APCDD1L: variants seen among roughly 807,000 people sequenced by gnomAD.
APCDD1L encodes the protein APC down-regulated 1 like, also known as protein APCDD1-like.
A neutral mutation model predicts 24.2 loss-of-function variants in APCDD1L; 21 were observed. The observed-to-expected ratio is 0.87, with a 90% CI of 0.61 to 1.25. The LOEUF is 1.25. Among genes scored for constraint, APCDD1L ranks in the 50% most tolerant of loss-of-function variants. APCDD1L has a pLI of 0.00. For synonymous variants in APCDD1L, 321 were observed against 323.6 expected, an observed-to-expected ratio of 0.99 and a Z score of 0.09; for missense variants, 704 against 711.7, an observed-to-expected ratio of 0.99 and a Z score of 0.12.
At position 58,489,581 on chromosome 20, in the gene APCDD1L, G is replaced by A. The variant is rs6026307; in HGVS notation, c.50-18834C>T. On this transcript the variant is annotated intron_variant, in intron 1 of 3. Coordinates refer to ENST00000371149, the MANE Select transcript of APCDD1L (RefSeq NM_153360.3). The stretch of plus-strand genomic sequence containing the variant: ...CACCTGTAATCCCAGCTACTTTGGA[G>A]GCTGAGGCAGGACAATCGCTTGAAC... 2.7e-4 allele frequency among the ~76,000 whole-genome samples: 41 copies of A among 151,858 alleles called. 1 individual carries two copies. The highest frequency in any genetic ancestry group is 9.4e-4 in the African/African-American group (39 of 41,410).
chr20:58,482,230 T>C (rs907455085), intron 1 of APCDD1L, among the ~76,000 whole-genome samples: 1 of 152,210 alleles, frequency 6.6e-6, no homozygotes, highest in African/African-American at 2.4e-5. Context: ...AAAACCTACA[T>C]CATGTTTCGG....
chr20:58,484,863 C>A (rs1218103420), intron 1 of APCDD1L, among the ~76,000 whole-genome samples: 1 of 152,062 alleles, frequency 6.6e-6, no homozygotes, highest in East Asian at 1.9e-4. Flanking sequence ...TACCCCGAAG[C>A]CTTGGTTGCT....
intron 3 of APCDD1L, among the ~76,000 whole-genome samples, chr20:58,463,291 G>A (rs1203291516): frequency 4.6e-5 from 7 of 152,122 alleles, no homozygotes; most frequent in Non-Finnish European, 5.9e-5. Context: ...GGCCACACTC[G>A]GGTCTTCAGG....
At chr20:58,468,036 C>T (rs1203375895) in intron 2 of APCDD1L, among the ~76,000 whole-genome samples, 2 of 152,146 alleles carry the variant, frequency 1.3e-5, no homozygotes, top group African/African-American at 4.8e-5. Context: ...CTCCCTCCCG[C>T]GTCCTTGCTG....
At position 58,459,436 on chromosome 20, in the gene APCDD1L, G is replaced by T. The variant is rs888286375; in HGVS notation, c.*1354C>A. The stretch of plus-strand genomic sequence containing the variant: ...CTGACTGAACCCCACACAGTCTCAG[G>T]GAGGAAAAGGGCTTCCCTCTGAAAC... On this transcript the variant is annotated 3_prime_UTR_variant, in exon 4 of 4. Coordinates refer to ENST00000371149, the MANE Select transcript of APCDD1L (RefSeq NM_153360.3). The T allele has an allele frequency of 6.6e-6, 1 of 152,134 alleles. No homozygotes were observed. Among genetic ancestry groups the T allele is most frequent in the African/African-American group, 2.4e-5 (1 of 41,402 alleles). 9.4% of individuals were successfully genotyped at this position (152,134 alleles called of 1,614,324 possible).
At chr20:58,506,260 C>A (rs1406787611) in intron 1 of APCDD1L, among the ~76,000 whole-genome samples, 2 of 152,148 alleles carry the variant, frequency 1.3e-5, no homozygotes, top group East Asian at 1.9e-4. Flanking sequence ...CTTCTGTATA[C>A]CCCCATCTTC....
rs973216866 is a variant in APCDD1L at position 58,468,000 on chromosome 20, G to A, written c.189-342C>T. Among the ~76,000 whole-genome samples, 1 of 152,132 alleles carries A rather than the reference G, an allele frequency of 6.6e-6. No individual in the cohort carries two copies. The highest frequency in any genetic ancestry group is 1.5e-5 in the Non-Finnish European group (1 of 68,020). ...CCTGCTTCCTCCCCCGCTGGACTCT[G>A]GGCACCTGGCCCAGAGCCCGCCCCA... On this transcript the variant is annotated intron_variant, in intron 2 of 3. Transcript: ENST00000371149. The surrounding 1 kb of genome is among the most constrained non-coding windows in gnomAD (Gnocchi z 5.9).
In APCDD1L at chr20:58,460,954, A is replaced by G. The variant is rs1989584449; in HGVS notation, c.1342T>C (p.Tyr448His). ...TGACAGAGCACCAGGGGTGCTTGGT[A>G]GGAGGTGGGACGTTTCTCTGGGGTA... Reference protein sequence around the residue: ...PDTPEKRPTSYQAPLVLCHGE... With the variant: ...PDTPEKRPTSHQAPLVLCHGE... The change falls in exon 4 of 4, where the codon TAC becomes CAC. Residue 448 changes from tyrosine to histidine, a missense_variant. Tyr to His is a moderately conservative substitution (Grantham distance 83, BLOSUM62 2). Coordinates refer to ENST00000371149, the MANE Select transcript of APCDD1L (RefSeq NM_153360.3). This position sits in a 1 kb window ranked among gnomAD's most constrained non-coding sequence, Gnocchi z 4.2. 1 of 1,614,064 alleles carries G rather than the reference A, an allele frequency of 6.2e-7. No individual in the cohort carries two copies. Among genetic ancestry groups the G allele is most frequent in the Non-Finnish European group, 8.5e-7 (1 of 1,179,954 alleles).
In APCDD1L at chr20:58,467,755, T is replaced by C; in HGVS notation, c.189-97A>G. 1 of 1,209,098 alleles carries C rather than the reference T, an allele frequency of 8.3e-7. No individual in the cohort carries two copies. The highest frequency in any genetic ancestry group is 1.1e-6 in the Non-Finnish European group (1 of 921,694). The allele number at this position is 1,209,098 out of a possible 1,614,324, so 74.9% of individuals were successfully genotyped here. On this transcript the variant is annotated intron_variant, in intron 2 of 3. Transcript: ENST00000371149. This position sits in a 1 kb window ranked among gnomAD's most constrained non-coding sequence, Gnocchi z 5.9. The stretch of plus-strand genomic sequence containing the variant: ...TGGGCTCCTTTCTCCCCCCCAGCCC[T>C]CCTCTTAGTCCTCAGCTCAGGCCTG...
intron 1 of APCDD1L, among the ~76,000 whole-genome samples, chr20:58,506,297 G>A (rs543118171): frequency 3.9e-5 from 6 of 152,138 alleles, no homozygotes; most frequent in Admixed American, 6.5e-5. Context: ...CACCATTTCT[G>A]TCTCTTTCTC....
At chr20:58,509,624 G>A (rs778715343) in intron 1 of APCDD1L, among the ~76,000 whole-genome samples, 11 of 152,148 alleles carry the variant, frequency 7.2e-5, no homozygotes, top group Admixed American at 1.3e-4. Context: ...GCCCATCACT[G>A]TCACTGTCAT....
At chr20:58,471,628 TGA>T (rs1160058024) in intron 1 of APCDD1L, among the ~76,000 whole-genome samples, 2 of 152,214 alleles carry the variant, frequency 1.3e-5, no homozygotes, top group African/African-American at 4.8e-5. Context: ...CTCGGGCTGC[TGA>T]GAGGCGAGAG....
Position 58,460,961 on chromosome 20 carries a change from G to A in APCDD1L, c.1335C>T (p.Pro445=), listed in dbSNP as rs756574970. ...GSSPDTPEKR[P]TSYQAPLVLC... ...GCACCAGGGGTGCTTGGTAGGAGGT[G>A]GGACGTTTCTCTGGGGTATCGGGAC... is the stretch of plus-strand genomic sequence containing the variant. The change falls in exon 4 of 4, where the codon CCC becomes CCT. Residue 445 remains proline (P), a synonymous_variant. Transcript: ENST00000371149. The surrounding 1 kb of genome is among the most constrained non-coding windows in gnomAD (Gnocchi z 4.2). 1 of 1,614,016 alleles carries A rather than the reference G, an allele frequency of 6.2e-7. No individual in the cohort carries two copies. The highest frequency in any genetic ancestry group is 8.5e-7 in the Non-Finnish European group (1 of 1,180,006).
At chr20:58,465,538 G>A (rs1011512281) in intron 3 of APCDD1L, among the ~76,000 whole-genome samples, 3 of 152,180 alleles carry the variant, frequency 2.0e-5, no homozygotes, top group Non-Finnish European at 2.9e-5. Context: ...ACTTCATGGG[G>A]ATGCTGAACA....
intron 2 of APCDD1L, 111 bp downstream of exon 2, chr20:58,470,498 C>A (rs1989789340): frequency 1.4e-6 from 2 of 1,390,720 alleles, no homozygotes; most frequent in Non-Finnish European, 1.9e-6. Flanking sequence ...AGGTAGAAGG[C>A]CTCTTGGATA....
Position 58,460,526 on chromosome 20 carries a change from T to G in APCDD1L, c.*264A>C, listed in dbSNP as rs551509884. The G allele has an allele frequency of 1.1e-5, 4 of 360,700 alleles. No homozygotes were observed. In the South Asian group the frequency reaches 5.2e-4, roughly 47 times the overall value. The allele number at this position is 360,700 out of a possible 1,614,324, so 22.3% of individuals were successfully genotyped here. On this transcript the variant is annotated 3_prime_UTR_variant, in exon 4 of 4. Transcript: ENST00000371149. This position sits in a 1 kb window ranked among gnomAD's most constrained non-coding sequence, Gnocchi z 4.2. ...AAAGTAGAAAAATTGGGAGTGATCTTTAGAAACTCACGTAGCGATGAACAT... is the reference window on the plus strand; with the variant it reads ...AAAGTAGAAAAATTGGGAGTGATCTGTAGAAACTCACGTAGCGATGAACAT...
intron 1 of APCDD1L, among the ~76,000 whole-genome samples, chr20:58,499,274 G>A (rs1263196336): frequency 1.3e-5 from 2 of 152,152 alleles, no homozygotes; most frequent in Non-Finnish European, 2.9e-5. Context: ...TAGCTGCAAG[G>A]GAGGTGGGGA....
rs760798987 is a variant in APCDD1L at position 58,467,646 on chromosome 20, G to A, written c.201C>T (p.Arg67=). The A allele has an allele frequency of 2.0e-6, 3 of 1,500,914 alleles. No individual in the cohort carries two copies. The highest frequency in any genetic ancestry group is 1.4e-5 in the African/African-American group (1 of 69,792). The allele number at this position is 1,500,914 out of a possible 1,614,324, so 93.0% of individuals were successfully genotyped here. A position where few individuals can be genotyped will look rare whatever the true frequency, so the allele number is the denominator to read the frequency against. ...GPWISTGCEV[R]PGPEFLTRAY... ...CGCGGGTCAGGAACTCCGGTCCTGG[G>A]CGCACCTCGCAGCTGCAGGGGTGGA... is the stretch of plus-strand genomic sequence containing the variant. Residue 67 remains arginine (R), a synonymous_variant, in exon 3 of 4, where the codon CGC becomes CGT. Coordinates refer to ENST00000371149, the MANE Select transcript of APCDD1L (RefSeq NM_153360.3). This position sits in a 1 kb window ranked among gnomAD's most constrained non-coding sequence, Gnocchi z 5.9.
At chr20:58,498,732 G>A (rs530863356) in intron 1 of APCDD1L, among the ~76,000 whole-genome samples, 4 of 152,342 alleles carry the variant, frequency 2.6e-5, no homozygotes, top group Non-Finnish European at 4.4e-5. Context: ...CCCTGGTTGC[G>A]GGTGCTGAGC....
Sources: gnomAD v4.1 joint callset for allele counts (sites outside exome capture counted in the v4.1 genomes callset) on GRCh38, gnomAD v4.1.1 for gene constraint, Gnocchi (gnomAD v3.1) non-coding constraint, MANE v1.5 for transcripts, NCBI Gene and HGNC (gene_info 2026-07-23, HGNC 2026-07-21) for gene names.